The following ITGB3 variants were observed in gnomAD, a reference collection of about 807,000 sequenced individuals.
ITGB3 encodes integrin subunit beta 3.
A neutral mutation model predicts 85.8 loss-of-function variants in ITGB3; 48 were observed. The observed-to-expected ratio is 0.56, with a 90% CI of 0.44 to 0.71. ITGB3 has a LOEUF of 0.71. ITGB3 is among the 30% of genes least tolerant of loss of function. ITGB3 has a pLI of 0.00. For synonymous variants in ITGB3, 363 were observed against 395.6 expected (o/e 0.92, Z 0.98); for missense variants, 861 against 1,019.1 (o/e 0.84, Z 2.11).
At position 47,293,298 on chromosome 17, in the gene ITGB3, A is replaced by G. The variant is rs188016564; in HGVS notation, c.1690+730A>G. Reference sequence around the variant, plus strand: ...AGTAAAATCTTGAGGCCCACTGATAATCTCAAACTAGTTTCTCCTTGCCCC... The same window carrying G: ...AGTAAAATCTTGAGGCCCACTGATAGTCTCAAACTAGTTTCTCCTTGCCCC... On this transcript the variant is annotated intron_variant, in intron 10 of 14. Coordinates refer to ENST00000559488, the MANE Select transcript of ITGB3 (RefSeq NM_000212.3). Among the ~76,000 whole-genome samples, 45 of 152,280 alleles carry G rather than the reference A, an allele frequency of 3.0e-4. 1 individual carries two copies. The highest frequency in any genetic ancestry group is 2.7e-3 in the Admixed American group (42 of 15,298).
chr17:47,300,340 C>CGT (rs781123948), intron 11 of ITGB3, 138 bp from the exon 12 acceptor site: 45 of 508,234 alleles, frequency 8.9e-5, no homozygotes, highest in African/African-American at 1.6e-4. Flanking sequence ...TACAGGCGCG[C>CGT]GCGCGCGTGT....
intron 1 of ITGB3, among the ~76,000 whole-genome samples, chr17:47,272,809 T>G (rs953526448): frequency 8.6e-5 from 13 of 151,776 alleles, no homozygotes; most frequent in Non-Finnish European, 1.3e-4. Flanking sequence ...AGTCTCACTG[T>G]GTCACCCAGG....
chr17:47,264,763 G>A (rs10514919), intron 1 of ITGB3, among the ~76,000 whole-genome samples: 4 of 152,044 alleles, frequency 2.6e-5, no homozygotes, highest in South Asian at 2.1e-4. Flanking sequence ...GCCTTGGATC[G>A]TCCCAGGATT....
chr17:47,279,720 A>C (rs1373836851), intron 2 of ITGB3: 1 of 152,238 alleles, frequency 6.6e-6, no homozygotes, highest in African/African-American at 2.4e-5. Context: ...TGCTGCTCTC[A>C]TCCAGTTTGC....
rs754764865 is a variant in ITGB3 at position 47,307,545 on chromosome 17, G to T, written c.2209G>T (p.Ala737Ser). ...MGAILLIGLA[A>S]LLIWKLLITI... is the part of the protein sequence containing the mutation. ...GGCCATTCTGCTCATTGGCCTTGCC[G>T]CCCTGCTCATCTGGAAACTCCTCAT... The change falls in exon 14 of 15, where the codon GCC (alanine) becomes TCC (serine). Residue 737 changes from alanine to serine, a missense_variant. Transcript: ENST00000559488. 1.2e-6 allele frequency: 2 copies of T among 1,614,154 alleles called. No individual in the cohort carries two copies. The highest frequency in any genetic ancestry group is 1.7e-6 in the Non-Finnish European group (2 of 1,180,024).
intron 1 of ITGB3, among the ~76,000 whole-genome samples, chr17:47,271,550 G>A (rs1018281110): frequency 2.0e-5 from 3 of 152,220 alleles, no homozygotes; most frequent in Non-Finnish European, 4.4e-5. Context: ...ACCTTAACCT[G>A]TGGGGGATAA....
intron 10 of ITGB3, among the ~76,000 whole-genome samples, chr17:47,298,317 G>A (rs2065153227): frequency 6.6e-6 from 1 of 152,048 alleles, no homozygotes; most frequent in African/African-American, 2.4e-5. Flanking sequence ...CTTATTTTCT[G>A]ACTTCTTTTC....
At chr17:47,295,238 G>T (rs1339767866) in intron 10 of ITGB3, among the ~76,000 whole-genome samples, 1 of 152,124 alleles carries the variant, frequency 6.6e-6, no homozygotes, top group Non-Finnish European at 1.5e-5. Context: ...GGTAGGCCTG[G>T]GTGGCTTCAT....
intron 7 of ITGB3, 38 bp downstream of exon 7, chr17:47,289,814 G>A (rs1361455804): frequency 6.8e-7 from 1 of 1,461,028 alleles, no homozygotes; most frequent in African/African-American, 1.4e-5. Flanking sequence ...TGGGCCCTGT[G>A]ATGGTGGGTG....
chr17:47,255,442 T>G (rs781356939), intron 1 of ITGB3, among the ~76,000 whole-genome samples: 5 of 152,068 alleles, frequency 3.3e-5, no homozygotes, highest in Non-Finnish European at 7.4e-5. Flanking sequence ...TTGTTTGTTT[T>G]GAGATGGACT....
chr17:47,274,494 G>A lies in ITGB3; in HGVS notation c.155G>A (p.Cys52Tyr), dbSNP rs781627407. 1 of 1,613,664 alleles carries A rather than the reference G, an allele frequency of 6.2e-7. No individual in the cohort carries two copies. Among genetic ancestry groups the A allele is most frequent in the Non-Finnish European group, 8.5e-7 (1 of 1,179,860 alleles). Residue 52 changes from cysteine (C) to tyrosine (Y), a missense_variant, in exon 2 of 15, where the codon TGC (cysteine) becomes TAC (tyrosine). Physicochemically the swap from Cys to Tyr is radical, Grantham distance 194 (BLOSUM62 -2). Coordinates refer to ENST00000559488, the MANE Select transcript of ITGB3 (RefSeq NM_000212.3). ...GCTGTGAGCCCCATGTGTGCCTGGT[G>A]CTCTGATGAGGTAAGGAGCAGATAC... Reference protein sequence around the residue: ...CLAVSPMCAWCSDEALPLGSP... With the variant: ...CLAVSPMCAWYSDEALPLGSP...
intron 1 of ITGB3, among the ~76,000 whole-genome samples, chr17:47,272,678 T>TTTCTTTC (rs1555571583): frequency 3.5e-4 from 51 of 145,292 alleles, no homozygotes; most frequent in Admixed American, 1.7e-3. Flanking sequence ...TCTTTCTTTC[T>TTTCTTTC]TTTTTTTTCT....
At chr17:47,302,435 A>G (rs2065170576) in intron 12 of ITGB3, among the ~76,000 whole-genome samples, 1 of 152,232 alleles carries the variant, frequency 6.6e-6, no homozygotes, top group Admixed American at 6.5e-5. Context: ...ACGGGTAGGT[A>G]GTGAAGCCAG....
chr17:47,259,728 T>C (rs2065002570), intron 1 of ITGB3, among the ~76,000 whole-genome samples: 1 of 152,080 alleles, frequency 6.6e-6, no homozygotes, highest in South Asian at 2.1e-4. Context: ...GGAGAAACCC[T>C]GTCTCTACTA....
Position 47,287,088 on chromosome 17 carries a change from A to C in ITGB3, c.796A>C (p.Asn266His), listed in dbSNP as rs771763693. ...TVCDEKIGWR[N>H]DASHLLVFTT... is the part of the protein sequence containing the mutation. ...TTAACAGGAAAAGATTGGCTGGAGG[A>C]ATGATGCATCCCACTTGCTGGTGTT... The change falls in exon 6 of 15, where the codon AAT (asparagine) becomes CAT (histidine). Residue 266 changes from asparagine (N) to histidine (H), a missense_variant. Physicochemically the swap from Asn to His is moderately conservative, Grantham distance 68 (BLOSUM62 1). Coordinates refer to ENST00000559488, the MANE Select transcript of ITGB3 (RefSeq NM_000212.3). 9 of 1,613,996 alleles carry C rather than the reference A, an allele frequency of 5.6e-6. No individual in the cohort carries two copies. The Admixed American group carries it at 1.2e-4, about 21-fold the overall frequency.
chr17:47,297,535 A>C (rs890206849), intron 10 of ITGB3, among the ~76,000 whole-genome samples: 16 of 152,132 alleles, frequency 1.1e-4, no homozygotes, highest in African/African-American at 3.1e-4. Context: ...GCATGCCTGT[A>C]GTCCTGGCTA....
Position 47,281,253 on chromosome 17 carries a change from G to A in ITGB3, c.166-2101G>A, listed in dbSNP as rs1257977501. Among the ~76,000 whole-genome samples, 8 of 152,330 alleles carry A rather than the reference G, an allele frequency of 5.3e-5. No homozygotes were observed. In the East Asian group the frequency reaches 1.5e-3, roughly 29 times the overall value. On this transcript the variant is annotated intron_variant, in intron 2 of 14. Coordinates refer to ENST00000559488, the MANE Select transcript of ITGB3 (RefSeq NM_000212.3). ...ACATTTGGAAGTGCTGGTTGGGGAT[G>A]TGGGTAGGGGTGGGGTTGAGGAGAG...
rs1461075955 is a variant in ITGB3, at chr17:47,310,156, T to TA, written c.2322dup (p.Glu775ArgfsTer91). On this transcript the variant is annotated frameshift_variant, in exon 15 of 15. Transcript: ENST00000559488. LOFTEE classifies it high-confidence loss of function. ...CTCCACAGGCCAACAACCCACTGTA[T>TA]AAAGAGGCCACGTCTACCTTCACCA... 4 of 1,613,900 alleles carry TA rather than the reference T, an allele frequency of 2.5e-6. No individual in the cohort carries two copies. The African/African-American group carries it at 4.0e-5, about 16-fold the overall frequency.
At chr17:47,308,245 C>T (rs191052747) in intron 14 of ITGB3, among the ~76,000 whole-genome samples, 1 of 151,428 alleles carries the variant, frequency 6.6e-6, no homozygotes, top group East Asian at 1.9e-4. Flanking sequence ...CTGATTTATT[C>T]CAATTAAATA....
Sources: allele counts gnomAD v4.1 joint callset (sites outside exome capture counted in the v4.1 genomes callset), GRCh38; gene constraint gnomAD v4.1.1; transcripts MANE v1.5; gene names NCBI Gene and HGNC (gene_info 2026-07-23, HGNC 2026-07-21).